Variants in GRXCR2 observed in about 807,000 individuals in gnomAD.
GRXCR2 encodes the protein glutaredoxin domain-containing cysteine-rich protein 2.
A neutral mutation model predicts 24.8 loss-of-function variants in GRXCR2; 23 were observed. The ratio of observed to expected loss-of-function variants is 0.93; its 90% CI spans 0.67 to 1.32. The LOEUF (loss-of-function observed/expected upper bound fraction) is 1.32. GRXCR2 is among the 40% of genes most tolerant of loss of function. GRXCR2 has a pLI of 0.00. For synonymous variants in GRXCR2, 130 were observed against 116.1 expected, an observed-to-expected ratio of 1.12 and a Z score of -0.77; for missense variants, 315 against 303.4, an observed-to-expected ratio of 1.04 and a Z score of -0.28.
At chr5:145,891,805 C>T (rs1756868871) in intron 2 of GRXCR2, among the ~76,000 whole-genome samples, 2 of 152,266 alleles carry the variant, frequency 1.3e-5, no homozygotes, top group South Asian at 4.2e-4. Flanking sequence ...CAGCATGCAG[C>T]TGGATATCTG....
chr5:145,868,778 T>C (rs1190913384), intron 1 of GRXCR2, among the ~76,000 whole-genome samples: 1 of 152,248 alleles, frequency 6.6e-6, no homozygotes, highest in Admixed American at 6.5e-5. Context: ...GCAAGTTTAT[T>C]TTTTGATGTA....
intron 2 of GRXCR2, among the ~76,000 whole-genome samples, chr5:145,913,670 C>G (rs954942851): frequency 2.0e-5 from 3 of 152,018 alleles, no homozygotes; most frequent in Non-Finnish European, 4.4e-5. Flanking sequence ...GGACAAAGAT[C>G]TTTTCATTTA....
Position 145,926,904 on chromosome 5 carries a change from T to G in GRXCR2, c.-70+8797A>C, listed in dbSNP as rs184046178. 3.7e-4 allele frequency among the ~76,000 whole-genome samples: 56 copies of G among 152,314 alleles called. 2 individuals are homozygous for G. Among genetic ancestry groups the G allele is most frequent in the East Asian group, 3.3e-3 (17 of 5,188 alleles). On this transcript the variant is annotated intron_variant, in intron 2 of 3. Transcript: ENST00000639411. ...TTGTTTGTATCCTCTTTTATTTCCT[T>G]GAGCAGTGGTTTGTAGTTCTCATTG... is the stretch of plus-strand genomic sequence containing the variant.
upstream of GRXCR2, among the ~76,000 whole-genome samples, chr5:145,873,747 T>C (rs913682064): frequency 2.0e-5 from 3 of 152,214 alleles, no homozygotes; most frequent in African/African-American, 7.2e-5. Context: ...CACCTCCACT[T>C]GGTATGTATT....
intron 2 of GRXCR2, among the ~76,000 whole-genome samples, chr5:145,926,182 C>G (rs997445241): frequency 1.4e-4 from 21 of 152,008 alleles, no homozygotes; most frequent in African/African-American, 4.6e-4. Context: ...TAGTAAGGCA[C>G]AGTATCTGTC....
chr5:145,926,489 T>C (rs1757396124), intron 2 of GRXCR2, among the ~76,000 whole-genome samples: 1 of 152,218 alleles, frequency 6.6e-6, no homozygotes, highest in African/African-American at 2.4e-5. Context: ...TAGGGAATTG[T>C]TTCCCCATTT....
At chr5:145,892,595 A>C (rs566354665) in intron 2 of GRXCR2, among the ~76,000 whole-genome samples, 1 of 152,368 alleles carries the variant, frequency 6.6e-6, no homozygotes, top group African/African-American at 2.4e-5. Flanking sequence ...AAGAATAAAA[A>C]GAAATGAACA....
chr5:145,876,359 C>A (rs142657343), upstream of GRXCR2, among the ~76,000 whole-genome samples: 2,123 of 150,762 alleles, frequency 0.014, 57 homozygotes, highest in African/African-American at 0.049. Flanking sequence ...TCACTGCAAC[C>A]TCTGCCTCCT....
At chr5:145,882,785 G>GAA (rs1756721701) in intron 2 of GRXCR2, among the ~76,000 whole-genome samples, 1 of 152,026 alleles carries the variant, frequency 6.6e-6, no homozygotes, top group South Asian at 2.1e-4. Context: ...ATGTCCATCA[G>GAA]TGATAGACTG....
At chr5:145,865,716 C>T (rs1756417787) in intron 2 of GRXCR2, among the ~76,000 whole-genome samples, 1 of 152,186 alleles carries the variant, frequency 6.6e-6, no homozygotes, top group African/African-American at 2.4e-5. Context: ...AGTGGATTTA[C>T]AAAGGATACT....
At chr5:145,866,767 A>G (rs756734443) in intron 1 of GRXCR2, 39 bp from the exon 2 acceptor site, 1 of 1,314,082 alleles carries the variant, frequency 7.6e-7, no homozygotes, top group Non-Finnish European at 1.1e-6. Context: ...CTTTACCACC[A>G]ATCACCAAGT....
chr5:145,920,482 A>T (rs1020696638), intron 2 of GRXCR2, among the ~76,000 whole-genome samples: 3 of 152,200 alleles, frequency 2.0e-5, no homozygotes, highest in Non-Finnish European at 4.4e-5. Flanking sequence ...TATTGTTTTC[A>T]TTTTATAGAG....
At chr5:145,880,335 T>C (rs74415045) in intron 2 of GRXCR2, among the ~76,000 whole-genome samples, 4,120 of 151,974 alleles carry the variant, frequency 0.027, 65 homozygotes, top group Middle Eastern at 0.055. Flanking sequence ...AAGAATCAAA[T>C]AGATGCAATA....
chr5:145,892,235 T>C (rs1432823187), intron 2 of GRXCR2, among the ~76,000 whole-genome samples: 1 of 152,090 alleles, frequency 6.6e-6, no homozygotes, highest in Non-Finnish European at 1.5e-5. Flanking sequence ...CCTCTCCTCC[T>C]CCAAAGGAAC....
At chr5:145,930,088 A>G (rs1216240471) in intron 2 of GRXCR2, among the ~76,000 whole-genome samples, 1 of 151,892 alleles carries the variant, frequency 6.6e-6, no homozygotes, top group Admixed American at 6.6e-5. Context: ...TTATTATTTA[A>G]AAACAATTTT....
At chr5:145,927,003 G>A (rs1467153156) in intron 2 of GRXCR2, among the ~76,000 whole-genome samples, 1 of 152,128 alleles carries the variant, frequency 6.6e-6, no homozygotes, top group Non-Finnish European at 1.5e-5. Context: ...GTGAGTGGGA[G>A]TTCACTCATG....
chr5:145,903,855 G>A (rs563747384), intron 2 of GRXCR2, among the ~76,000 whole-genome samples: 8 of 152,220 alleles, frequency 5.3e-5, no homozygotes, highest in African/African-American at 1.9e-4. Flanking sequence ...TTTTTTGCCT[G>A]AGGAAACAAA....
chr5:145,866,521 G>A lies in GRXCR2; in HGVS notation c.544C>T (p.Pro182Ser). The A allele has an allele frequency of 1.2e-6, 2 of 1,613,940 alleles. No homozygotes were observed. The highest frequency in any genetic ancestry group is 1.7e-6 in the Non-Finnish European group (2 of 1,179,862). ...RPLVEAESTL[P>S]QNRYTQEGDI... ...CGCACCTGTGTATACCGGTTTTGGG[G>A]TAATGTGCTTTCTGCCTCCACCAAA... Residue 182 changes from proline to serine, a missense_variant, in exon 2 of 3, where the codon CCC (proline) becomes TCC (serine). By Grantham distance (74) the Pro-to-Ser change is moderately conservative (BLOSUM62 -1). Coordinates refer to ENST00000377976, the MANE Select transcript of GRXCR2 (RefSeq NM_001080516.2).
chr5:145,927,846 G>A (rs147614376), intron 2 of GRXCR2, among the ~76,000 whole-genome samples: 2,105 of 152,202 alleles, frequency 0.014, 59 homozygotes, highest in African/African-American at 0.048. Flanking sequence ...GCATGGGGAA[G>A]CACTTCATGT....
Sources: allele counts gnomAD v4.1 joint callset (sites outside exome capture counted in the v4.1 genomes callset), GRCh38; gene constraint gnomAD v4.1.1; transcripts MANE v1.5; gene names NCBI Gene and HGNC (gene_info 2026-07-23, HGNC 2026-07-21).